ZNF536: variants seen among roughly 807,000 people sequenced by gnomAD.
ZNF536 encodes zinc finger protein 536.
Under a neutral mutation model 84.5 loss-of-function variants are expected in ZNF536, and 13 were observed. The observed-to-expected ratio is 0.15, with a 90% CI of 0.10 to 0.24. The LOEUF is 0.24. Ranked by LOEUF, ZNF536 falls within the 10% of genes least tolerant of loss-of-function variation. ZNF536 has a pLI of 1.00. For missense variants in ZNF536, 1,536 were observed against 1,747.5 expected, an observed-to-expected ratio of 0.88 and a Z score of 2.16; for synonymous variants, 811 against 742.5, an observed-to-expected ratio of 1.09 and a Z score of -1.50.
intron 1 of ZNF536, among the ~76,000 whole-genome samples, chr19:30,282,230 G>A (rs560879469): frequency 9.8e-5 from 15 of 152,358 alleles, no homozygotes; most frequent in African/African-American, 1.7e-4. Context: ...GGCTGTACTC[G>A]TCAGCTGCCC....
At chr19:30,297,328 G>A (rs891437386) in intron 2 of ZNF536, among the ~76,000 whole-genome samples, 2 of 152,158 alleles carry the variant, frequency 1.3e-5, no homozygotes, top group South Asian at 2.1e-4. Context: ...GAAATGGTAC[G>A]TGGGGGAAAG....
intron 2 of ZNF536, among the ~76,000 whole-genome samples, chr19:30,452,116 G>A (rs1167154068): frequency 6.6e-6 from 1 of 152,174 alleles, no homozygotes; most frequent in Non-Finnish European, 1.5e-5. Flanking sequence ...CCAGAAGCAG[G>A]TATCACGAGC....
intron 2 of ZNF536, among the ~76,000 whole-genome samples, chr19:30,479,774 T>A (rs1397193882): frequency 6.6e-6 from 1 of 152,246 alleles, no homozygotes; most frequent in Non-Finnish European, 1.5e-5. Context: ...CCTTGTGACC[T>A]CAGCACTTGT....
At position 30,254,291 on chromosome 19, in the gene ZNF536, T is replaced by C. The variant is rs73924252; in HGVS notation, c.-190+25618T>C. ...TCTTCTTTGAAGTTTTTATAATCCA[T>C]CTGTCATCTTCTAGCAAGGAGGGCA... On this transcript the variant is annotated intron_variant, in intron 1 of 5. Coordinates refer to the ZNF536 transcript ENST00000585628. 4.8e-3 allele frequency among the ~76,000 whole-genome samples: 727 copies of C among 152,288 alleles called. 5 individuals are homozygous for C. Among genetic ancestry groups the C allele is most frequent in the African/African-American group, 0.017 (692 of 41,556 alleles).
At chr19:30,435,883 G>A (rs1437494022) in intron 1 of ZNF536, among the ~76,000 whole-genome samples, 1 of 152,174 alleles carries the variant, frequency 6.6e-6, no homozygotes, top group Non-Finnish European at 1.5e-5. Context: ...AGTTTTAGCA[G>A]AGACTCCAAA....
Position 30,606,199 on chromosome 19 carries a change from A to AAAT in ZNF536, c.169+56688_169+56690dup, listed in dbSNP as rs1229693740. On this transcript the variant is annotated intron_variant, in intron 1 of 1. Coordinates refer to the ZNF536 transcript ENST00000592773. ...TAAAATAAAATAAAATAAAATAATA[A>AAAT]AATAAAATAAAATAAAATATAAAAT... Among the ~76,000 whole-genome samples, 28 of 123,148 alleles carry AAAT rather than the reference A, an allele frequency of 2.3e-4. 1 individual carries two copies. The East Asian group carries it at 3.4e-3, about 15-fold the overall frequency. 80.8% of individuals were successfully genotyped at this position (123,148 alleles called of 152,430 possible).
chr19:30,499,542 A>T (rs1319587013), intron 2 of ZNF536, among the ~76,000 whole-genome samples: 2 of 152,192 alleles, frequency 1.3e-5, no homozygotes, highest in Non-Finnish European at 2.9e-5. Flanking sequence ...ATTTATATGT[A>T]TATGTGTGTG....
chr19:30,418,677 A>T (rs976210242), intron 1 of ZNF536, among the ~76,000 whole-genome samples: 1 of 152,176 alleles, frequency 6.6e-6, no homozygotes, highest in African/African-American at 2.4e-5. Context: ...CCGGGGTTGG[A>T]AGGGTGTCTA....
At chr19:30,405,967 G>A (rs922371712) in intron 1 of ZNF536, among the ~76,000 whole-genome samples, 2 of 152,194 alleles carry the variant, frequency 1.3e-5, no homozygotes, top group African/African-American at 2.4e-5. Flanking sequence ...TCGTAGAGAC[G>A]GGATTTACCA....
chr19:30,279,225 G>C (rs535211195), intron 1 of ZNF536, among the ~76,000 whole-genome samples: 24 of 152,308 alleles, frequency 1.6e-4, no homozygotes, highest in African/African-American at 5.5e-4. Flanking sequence ...ATTGTTATTT[G>C]CTGGCATATT....
Position 30,534,902 on chromosome 19 carries a change from C to T in ZNF536, c.2226C>T (p.Arg742=), listed in dbSNP as rs371053007. The T allele has an allele frequency of 2.1e-5, 34 of 1,613,786 alleles. No homozygotes were observed. Among genetic ancestry groups the T allele is most frequent in the Non-Finnish European group, 2.5e-5 (30 of 1,179,860 alleles). The change falls in exon 3 of 5, where the codon CGC becomes CGT. Residue 742 remains arginine (R), a synonymous_variant. Transcript: ENST00000355537. ...SAGVQQPALL[R]DRSLGSAMKD... The stretch of plus-strand genomic sequence containing the variant: ...GCGTCCAGCAACCAGCGCTGCTTCG[C>T]GACAGAAGCCTGGGCTCGGCCATGA...
intron 2 of ZNF536, among the ~76,000 whole-genome samples, chr19:30,295,430 T>C (rs2045967698): frequency 6.6e-6 from 1 of 152,158 alleles, no homozygotes; most frequent in Non-Finnish European, 1.5e-5. Flanking sequence ...CAGAATTGCG[T>C]GGAGGGCTTT....
chr19:30,509,402 A>G (rs1031290738), intron 2 of ZNF536, among the ~76,000 whole-genome samples: 1 of 146,862 alleles, frequency 6.8e-6, no homozygotes, highest in Admixed American at 6.9e-5. Flanking sequence ...ATACATACAT[A>G]ATTATATGTA....
At chr19:30,400,782 T>A (rs1171475568) in intron 1 of ZNF536, among the ~76,000 whole-genome samples, 1 of 152,224 alleles carries the variant, frequency 6.6e-6, no homozygotes, top group Non-Finnish European at 1.5e-5. Context: ...ATACATGGTT[T>A]GCAAACATTT....
Position 30,376,274 on chromosome 19 carries a change from A to G in ZNF536, c.-3+3718A>G, listed in dbSNP as rs549864550. Among the ~76,000 whole-genome samples, 185 of 152,146 alleles carry G rather than the reference A, an allele frequency of 1.2e-3. 2 individuals are homozygous for G. Among genetic ancestry groups the G allele is most frequent in the Middle Eastern group, 0.01 (3 of 294 alleles). On this transcript the variant is annotated intron_variant, in intron 1 of 4. Coordinates refer to ENST00000355537, the MANE Select transcript of ZNF536 (RefSeq NM_014717.3). ...CACGCCTTTGTTGAGGGTGATGGTG[A>G]TGGTGGCTCTTGACCTCCATCTGTG...
chr19:30,506,714 G>T (rs895826655), intron 2 of ZNF536, among the ~76,000 whole-genome samples: 2 of 152,184 alleles, frequency 1.3e-5, no homozygotes, highest in African/African-American at 4.8e-5. Context: ...CTGCCGAGCT[G>T]ATTGGGCCTC....
At chr19:30,487,915 A>G (rs2054361200) in intron 2 of ZNF536, among the ~76,000 whole-genome samples, 1 of 152,234 alleles carries the variant, frequency 6.6e-6, no homozygotes, top group Admixed American at 6.5e-5. Flanking sequence ...AAATCAGATG[A>G]TTTAGAGAGA....
At chr19:30,440,742 C>A (rs567240107) in intron 1 of ZNF536, among the ~76,000 whole-genome samples, 35 of 152,108 alleles carry the variant, frequency 2.3e-4, no homozygotes, top group Admixed American at 6.5e-4. Context: ...GAGCTCAGAC[C>A]CACAAGAATA....
chr19:30,560,255 G>T (rs2046113294), downstream of ZNF536, among the ~76,000 whole-genome samples: 2 of 151,736 alleles, frequency 1.3e-5, no homozygotes, highest in Admixed American at 1.3e-4. Context: ...TCCCCAAGTG[G>T]GATTATAACA....
Sources: gnomAD v4.1 joint callset for allele counts (sites outside exome capture counted in the v4.1 genomes callset) on GRCh38, gnomAD v4.1.1 for gene constraint, MANE v1.5 for transcripts, NCBI Gene and HGNC (gene_info 2026-07-23, HGNC 2026-07-21) for gene names.